Variants in GPHN observed in about 807,000 individuals in gnomAD.
GPHN encodes the protein gephyrin.
A neutral mutation model predicts 95.5 loss-of-function variants in GPHN; 17 were observed. That is an observed-to-expected ratio of 0.18 (90% CI 0.12 to 0.27). The LOEUF (loss-of-function observed/expected upper bound fraction) is 0.27. Among genes scored for constraint, GPHN ranks in the 10% least tolerant of loss-of-function variants. The probability of loss-of-function intolerance (pLI) is 1.00; values close to 1 mark genes in which losing one functional copy is unlikely to be tolerated. For missense variants in GPHN, 660 were observed against 978.1 expected, an observed-to-expected ratio of 0.67 and a Z score of 4.34; for synonymous variants, 320 against 322.5, an observed-to-expected ratio of 0.99 and a Z score of 0.08.
At chr14:66,695,394 G>C (rs745637165) in intron 2 of GPHN, among the ~76,000 whole-genome samples, 2 of 152,194 alleles carry the variant, frequency 1.3e-5, no homozygotes, top group Non-Finnish European at 2.9e-5. Context: ...GTGCTGATGA[G>C]GATGTGGGGC....
intron 17 of GPHN, among the ~76,000 whole-genome samples, chr14:67,133,043 C>T (rs1423950101): frequency 1.3e-5 from 2 of 151,912 alleles, no homozygotes; most frequent in African/African-American, 2.4e-5. Context: ...TCCATGGTCC[C>T]AGAACACCCA....
chr14:66,886,897 G>C (rs1406543185), intron 5 of GPHN, among the ~76,000 whole-genome samples: 1 of 152,140 alleles, frequency 6.6e-6, no homozygotes, highest in Non-Finnish European at 1.5e-5. Flanking sequence ...AATTGCTAGA[G>C]GTTCAGTGCA....
intron 5 of GPHN, among the ~76,000 whole-genome samples, chr14:66,915,133 A>G (rs566106740): frequency 1.3e-5 from 2 of 152,316 alleles, no homozygotes; most frequent in Admixed American, 6.5e-5. Flanking sequence ...GTAATAAAAT[A>G]TAGGACAGTT....
chr14:67,098,512 A>G (rs769302632), intron 12 of GPHN, among the ~76,000 whole-genome samples: 1 of 151,054 alleles, frequency 6.6e-6, no homozygotes, highest in East Asian at 1.9e-4. Flanking sequence ...TGCAGGAAGT[A>G]AAAAAAAAGA....
At chr14:66,817,918 T>C (rs2061043248) in intron 3 of GPHN, among the ~76,000 whole-genome samples, 1 of 152,138 alleles carries the variant, frequency 6.6e-6, no homozygotes, top group Non-Finnish European at 1.5e-5. Flanking sequence ...CCAGCCCAGT[T>C]GCAAGGGTTG....
At chr14:67,674,614 G>A in the GPHN span, 5 of 708,712 alleles carry the variant, frequency 7.1e-6, no homozygotes, top group South Asian at 2.7e-5. Flanking sequence ...CGCCCAGGAC[G>A]AGGCTCTTCC....
At chr14:67,360,193 A>G in the GPHN span, 46,407 of 403,298 alleles carry the variant, frequency 0.12, 6,439 homozygotes, top group East Asian at 0.41. Context: ...TAAAGCTAAG[A>G]TAGCGAGAAA....
intron 4 of GPHN, among the ~76,000 whole-genome samples, chr14:66,864,973 A>T (rs1450309502): frequency 6.6e-6 from 1 of 152,198 alleles, no homozygotes; most frequent in Non-Finnish European, 1.5e-5. Context: ...AACAACATGG[A>T]TGAAACTGGA....
intron 3 of GPHN, among the ~76,000 whole-genome samples, chr14:66,809,915 A>G (rs1205696129): frequency 6.6e-6 from 1 of 152,072 alleles, no homozygotes; most frequent in Non-Finnish European, 1.5e-5. Context: ...TAGTATTACC[A>G]TTGTATAATG....
At chr14:67,729,290 C>A in the GPHN span, 9 of 1,604,512 alleles carry the variant, frequency 5.6e-6, no homozygotes, top group Admixed American at 1.7e-5. Flanking sequence ...CTCTTCTCCC[C>A]CTTTGTCAAG....
chr14:66,913,220 A>G (rs535891441), intron 5 of GPHN, among the ~76,000 whole-genome samples: 2 of 152,314 alleles, frequency 1.3e-5, no homozygotes, highest in Admixed American at 6.5e-5. Context: ...CTCTATAAGT[A>G]AGCAAGTGGA....
chr14:67,047,334 TTGTG>T (rs778266656), intron 10 of GPHN, among the ~76,000 whole-genome samples: 11 of 109,706 alleles, frequency 1.0e-4, no homozygotes, highest in African/African-American at 1.5e-4. Context: ...GTGTGTGTGT[TTGTG>T]TGTGTGTGTG....
At chr14:66,707,399 A>G (rs2069180339) in intron 2 of GPHN, among the ~76,000 whole-genome samples, 1 of 152,238 alleles carries the variant, frequency 6.6e-6, no homozygotes, top group Non-Finnish European at 1.5e-5. Flanking sequence ...AATAGCAAAG[A>G]CATGGAACCA....
intron 10 of GPHN, among the ~76,000 whole-genome samples, chr14:67,024,549 C>T (rs1367960972): frequency 6.6e-6 from 1 of 152,182 alleles, no homozygotes; most frequent in East Asian, 1.9e-4. Flanking sequence ...TTGTGTTATA[C>T]TCCTGGTTAT....
intron 10 of GPHN, among the ~76,000 whole-genome samples, chr14:67,056,944 C>T (rs987091676): frequency 2.6e-5 from 4 of 152,208 alleles, no homozygotes; most frequent in African/African-American, 9.6e-5. Flanking sequence ...ACACCCTCCG[C>T]AGCTGCTGGC....
chr14:67,243,960 A>T, the GPHN span, among the ~76,000 whole-genome samples: 1 of 152,228 alleles, frequency 6.6e-6, no homozygotes, highest in Admixed American at 6.5e-5. Context: ...CAGACTTGGA[A>T]CTACATGAAT....
the GPHN span, among the ~76,000 whole-genome samples, chr14:67,318,459 A>C: frequency 6.6e-6 from 1 of 152,210 alleles, no homozygotes; most frequent in Non-Finnish European, 1.5e-5. Context: ...GAAGTTAACT[A>C]GTCCAGCTCT....
chr14:67,575,642 G>A, the GPHN span: 1 of 697,758 alleles, frequency 1.4e-6, no homozygotes, highest in Non-Finnish European at 2.5e-6. Context: ...GGTCTCTGGT[G>A]CTTCTCCAAG....
At chr14:66,834,489 C>T (rs910822644) in intron 4 of GPHN, among the ~76,000 whole-genome samples, 9 of 151,998 alleles carry the variant, frequency 5.9e-5, no homozygotes, top group African/African-American at 1.7e-4. Context: ...TCTCAAAGGC[C>T]TTTTCTGCAT....
Sources: allele counts gnomAD v4.1 joint callset (sites outside exome capture counted in the v4.1 genomes callset), GRCh38; gene constraint gnomAD v4.1.1; transcripts MANE v1.5; gene names NCBI Gene and HGNC (gene_info 2026-07-23, HGNC 2026-07-21).